ITGA6: variants seen among roughly 807,000 people sequenced by gnomAD.
ITGA6 encodes the protein integrin alpha-6.
ITGA6 carries 63 observed loss-of-function variants against 133.6 expected under a neutral mutation model. The observed-to-expected ratio is 0.47, with a 90% CI of 0.38 to 0.58. The LOEUF (loss-of-function observed/expected upper bound fraction) is 0.58. Among genes scored for constraint, ITGA6 ranks in the 20% least tolerant of loss-of-function variants. The pLI is 0.00. For missense variants in ITGA6, 1,068 were observed against 1,309.4 expected, an observed-to-expected ratio of 0.82 and a Z score of 2.85; for synonymous variants, 434 against 482.0, an observed-to-expected ratio of 0.90 and a Z score of 1.30.
intron 1 of ITGA6, among the ~76,000 whole-genome samples, chr2:172,452,215 C>A (rs1312815085): frequency 1.3e-5 from 2 of 152,094 alleles, no homozygotes; most frequent in African/African-American, 4.8e-5. Flanking sequence ...ATGCAGGTTG[C>A]GTAGTTGACC....
rs373690577 is a variant in ITGA6, at chr2:172,469,117, G to A, written c.388-8G>A. On this transcript the variant is annotated splice_region_variant and splice_polypyrimidine_tract_variant and intron_variant, in intron 3 of 25. Transcript: ENST00000684293. The stretch of plus-strand genomic sequence containing the variant: ...AAGAATGGGCTACTTTCTTCCATCT[G>A]CTTGCAGACATGTGCTCACCGATAT... The A allele has an allele frequency of 1.2e-6, 2 of 1,614,078 alleles. No homozygotes were observed. The highest frequency in any genetic ancestry group is 2.2e-5 in the East Asian group (1 of 44,880).
At chr2:172,480,235 A>G (rs1322285350) in intron 11 of ITGA6, among the ~76,000 whole-genome samples, 184 bp downstream of exon 11, 3 of 152,188 alleles carry the variant, frequency 2.0e-5, no homozygotes, top group African/African-American at 4.8e-5. Flanking sequence ...GGGAGGAAAA[A>G]AACTCCACTT....
At chr2:172,435,658 C>T (rs1684290887) in intron 1 of ITGA6, among the ~76,000 whole-genome samples, 1 of 127,660 alleles carries the variant, frequency 7.8e-6, no homozygotes, top group African/African-American at 3.0e-5. Context: ...CAGAGTCTCA[C>T]TCTGTTTGCC....
At chr2:172,450,871 ATATATT>A (rs1425796641) in intron 1 of ITGA6, among the ~76,000 whole-genome samples, 1 of 146,946 alleles carries the variant, frequency 6.8e-6, no homozygotes, top group Non-Finnish European at 1.5e-5. Context: ...TAATATACAA[ATATATT>A]TATATATTTA....
chr2:172,464,828 G>A (rs1416359789), intron 1 of ITGA6, among the ~76,000 whole-genome samples: 2 of 152,094 alleles, frequency 1.3e-5, no homozygotes, highest in African/African-American at 2.4e-5. Context: ...ACGAACTCTT[G>A]TAATGTGACA....
intron 4 of ITGA6, among the ~76,000 whole-genome samples, chr2:172,470,663 T>C (rs911762604): frequency 2.0e-5 from 3 of 152,226 alleles, no homozygotes; most frequent in African/African-American, 4.8e-5. Flanking sequence ...TTCATGTCAT[T>C]TAAAAATTGG....
Position 172,469,206 on chromosome 2 carries a change from C to G in ITGA6, c.469C>G (p.Leu157Val). The change falls in exon 4 of 26, where the codon CTG becomes GTG. Residue 157 changes from leucine to valine, a missense_variant. Leu to Val is a conservative substitution (Grantham distance 32). Transcript: ENST00000684293. ...SRDIFGRCYV[L>V]SQNLRIEDDM... is the part of the protein sequence containing the mutation. ...AGACATCTTTGGGCGGTGTTATGTC[C>G]TGAGTCAGAATCTCAGGATTGAAGA... 6.2e-7 allele frequency: 1 copy of G among 1,614,088 alleles called. No homozygotes were observed. Among genetic ancestry groups the G allele is most frequent in the Non-Finnish European group, 8.5e-7 (1 of 1,180,008 alleles).
At chr2:172,447,848 TC>T (rs113754714) in intron 1 of ITGA6, among the ~76,000 whole-genome samples, 4,230 of 151,462 alleles carry the variant, frequency 0.028, 191 homozygotes, top group African/African-American at 0.096. Flanking sequence ...TCACATTTTT[TC>T]CCCCGGTACG....
intron 13 of ITGA6, among the ~76,000 whole-genome samples, chr2:172,486,807 C>T (rs961579738): frequency 1.3e-5 from 2 of 152,188 alleles, no homozygotes; most frequent in Non-Finnish European, 2.9e-5. Flanking sequence ...CTATACCACA[C>T]TGCCTCCATG....
intron 1 of ITGA6, among the ~76,000 whole-genome samples, chr2:172,454,760 G>A (rs1215451043): frequency 1.3e-5 from 2 of 152,206 alleles, no homozygotes; most frequent in Non-Finnish European, 2.9e-5. Flanking sequence ...TAAAATCAGG[G>A]AAGTATCCTG....
At chr2:172,490,026 T>C (rs1451348099) in intron 20 of ITGA6, 1 of 205,066 alleles carries the variant, frequency 4.9e-6, no homozygotes, top group Non-Finnish European at 9.9e-6. Context: ...ACCAAACTCA[T>C]TGGAAAAGAT....
intron 25 of ITGA6, among the ~76,000 whole-genome samples, chr2:172,502,250 T>C (rs1481423236): frequency 1.3e-5 from 2 of 152,200 alleles, no homozygotes; most frequent in African/African-American, 4.8e-5. Flanking sequence ...AGCATTCCAC[T>C]AGGGAATTCA....
In ITGA6 at chr2:172,473,844, A is replaced by G. The variant is rs149185241; in HGVS notation, c.776-211A>G. Among the ~76,000 whole-genome samples, 254 of 152,346 alleles carry G rather than the reference A, an allele frequency of 1.7e-3. 3 individuals are homozygous for G. The highest frequency in any genetic ancestry group is 0.01 in the Middle Eastern group (3 of 294). On this transcript the variant is annotated intron_variant, in intron 5 of 25. Transcript: ENST00000684293. ...CTTTTAGTTAAAAGTCTTAATATCCATAGAAAGCAGTAAATTAGCTAGCCC... is the reference window on the plus strand; with the variant it reads ...CTTTTAGTTAAAAGTCTTAATATCCGTAGAAAGCAGTAAATTAGCTAGCCC...
chr2:172,495,192 A>C (rs911617647), intron 23 of ITGA6, among the ~76,000 whole-genome samples: 1 of 152,262 alleles, frequency 6.6e-6, no homozygotes, highest in Admixed American at 6.5e-5. Flanking sequence ...TAGTCTCAGC[A>C]CTGCTCACTG....
At chr2:172,429,710 G>A (rs1035463882) in intron 1 of ITGA6, among the ~76,000 whole-genome samples, 2 of 152,196 alleles carry the variant, frequency 1.3e-5, no homozygotes, top group African/African-American at 4.8e-5. Context: ...CTGCAATGGG[G>A]TCTGATGCCT....
At chr2:172,436,139 C>G (rs571568386) in intron 1 of ITGA6, among the ~76,000 whole-genome samples, 7 of 152,216 alleles carry the variant, frequency 4.6e-5, no homozygotes, top group Non-Finnish European at 7.4e-5. Flanking sequence ...TGAAGAAGAC[C>G]TCCATGACTT....
intron 1 of ITGA6, among the ~76,000 whole-genome samples, chr2:172,448,106 G>A (rs770994745): frequency 4.8e-4 from 73 of 152,260 alleles, no homozygotes; most frequent in Non-Finnish European, 9.1e-4. Flanking sequence ...AAGGAGGCAG[G>A]AAAGAAGGCA....
chr2:172,501,974 C>T (rs1286885052), intron 25 of ITGA6, 73 bp downstream of exon 25: 3 of 1,349,130 alleles, frequency 2.2e-6, no homozygotes, highest in Non-Finnish European at 2.1e-6. Context: ...TTAAGAACAA[C>T]AGCTTGCTAT....
At chr2:172,446,730 G>A (rs902978686) in intron 1 of ITGA6, among the ~76,000 whole-genome samples, 3 of 152,202 alleles carry the variant, frequency 2.0e-5, no homozygotes, top group African/African-American at 7.2e-5. Flanking sequence ...ACAAGATCTG[G>A]CAGCTGCCTT....
Sources: gnomAD v4.1 joint callset for allele counts (sites outside exome capture counted in the v4.1 genomes callset) on GRCh38, gnomAD v4.1.1 for gene constraint, MANE v1.5 for transcripts, NCBI Gene and HGNC (gene_info 2026-07-23, HGNC 2026-07-21) for gene names.